Variants in BRD3 observed in about 807,000 individuals in gnomAD.
BRD3 encodes the protein bromodomain-containing protein 3.
Under a neutral mutation model 66.8 loss-of-function variants are expected in BRD3, and 17 were observed. That is an observed-to-expected ratio of 0.25 (90% CI 0.17 to 0.38). BRD3 has a LOEUF of 0.38. BRD3 is among the 10% of genes least tolerant of loss of function. The pLI is 1.00. For synonymous variants in BRD3, 421 were observed against 393.2 expected (o/e 1.07, Z -0.84); for missense variants, 713 against 956.1 (o/e 0.75, Z 3.35).
intron 2 of BRD3, 39 bp downstream of exon 2, chr9:134,053,226 C>T (rs201336646): frequency 3.1e-6 from 5 of 1,605,954 alleles, no homozygotes; most frequent in Non-Finnish European, 4.3e-6. Flanking sequence ...AGGACGGCAG[C>T]AGCAGAACGT....
At chr9:134,053,177 G>A (rs1224793241) in intron 2 of BRD3, 88 bp downstream of exon 2, 11 of 1,442,222 alleles carry the variant, frequency 7.6e-6, no homozygotes, top group Admixed American at 1.7e-5. Context: ...CAAGGCCAGA[G>A]GCAGTCTTTC....
chr9:134,035,257 G>A (rs917325551), intron 10 of BRD3, among the ~76,000 whole-genome samples: 3 of 152,174 alleles, frequency 2.0e-5, no homozygotes, highest in Admixed American at 6.5e-5. Context: ...CTCCTGAGTC[G>A]CTCCCTCCAA....
chr9:134,068,112 C>G (rs1278979740), upstream of BRD3: 1 of 142,912 alleles, frequency 7.0e-6, no homozygotes, highest in African/African-American at 2.5e-5. Flanking sequence ...CGCGCCGGGG[C>G]CGCCCAGGGG....
In BRD3 at chr9:134,040,059, C is replaced by T; in HGVS notation, c.1618G>A (p.Ala540Thr). 1.3e-6 allele frequency: 2 copies of T among 1,594,220 alleles called. No individual in the cohort carries two copies. Among genetic ancestry groups the T allele is most frequent in the South Asian group, 1.1e-5 (1 of 88,210 alleles). ...CTGCCGGCCGTGGTCGTGCTGTTGG[C>T]CTTCTTGGCAGGAGCCTTCTTCTGC... ...AQQKKAPAKK[A>T]NSTTTAGRQL... The change falls in exon 9 of 12, where the codon GCC (alanine) becomes ACC (threonine). Residue 540 changes from alanine to threonine, a missense_variant. Coordinates refer to ENST00000303407, the MANE Select transcript of BRD3 (RefSeq NM_007371.4).
At chr9:134,060,851 C>T (rs890166346) in intron 1 of BRD3, among the ~76,000 whole-genome samples, 2 of 152,202 alleles carry the variant, frequency 1.3e-5, no homozygotes, top group South Asian at 2.1e-4. Context: ...CTGTGGGTGG[C>T]CCCCTGAACC....
intron 10 of BRD3, among the ~76,000 whole-genome samples, chr9:134,035,542 A>C (rs1377890637): frequency 6.6e-6 from 1 of 152,098 alleles, no homozygotes; most frequent in Non-Finnish European, 1.5e-5. Context: ...CCGTCCTGTG[A>C]GGCTTCTGGA....
At chr9:134,063,307 C>G (rs974176800) in intron 1 of BRD3, among the ~76,000 whole-genome samples, 2 of 152,236 alleles carry the variant, frequency 1.3e-5, no homozygotes, top group African/African-American at 4.8e-5. Flanking sequence ...AGCCACCGTG[C>G]TTGACCCTTG....
intron 1 of BRD3, among the ~76,000 whole-genome samples, chr9:134,060,206 G>A (rs955617821): frequency 1.3e-5 from 2 of 152,214 alleles, no homozygotes; most frequent in Non-Finnish European, 2.9e-5. Flanking sequence ...AGACACAAGA[G>A]GATCCGAAAC....
intron 6 of BRD3, among the ~76,000 whole-genome samples, chr9:134,046,056 C>A (rs1291076340): frequency 6.6e-6 from 1 of 152,170 alleles, no homozygotes; most frequent in Admixed American, 6.5e-5. Flanking sequence ...GTTTACTCGG[C>A]CACACAGAGA....
chr9:134,052,188 C>T lies in BRD3; in HGVS notation c.351+118G>A. On this transcript the variant is annotated intron_variant, in intron 3 of 11. Transcript: ENST00000303407. The stretch of plus-strand genomic sequence containing the variant: ...GATTACAGGTGTGAGCCACGGCACC[C>T]AGCCAGGTGAAGCGCTTTGGGCCTG... The T allele has an allele frequency of 6.0e-6, 8 of 1,340,266 alleles. No individual in the cohort carries two copies. In the South Asian group the frequency reaches 1.2e-4, roughly 19 times the overall value. 83.0% of individuals were successfully genotyped at this position (1,340,266 alleles called of 1,614,324 possible).
At chr9:134,052,697 G>C (rs1199491821) in intron 2 of BRD3, among the ~76,000 whole-genome samples, 1 of 152,222 alleles carries the variant, frequency 6.6e-6, no homozygotes, top group African/African-American at 2.4e-5. Flanking sequence ...CCCCAGGACA[G>C]GTCTACATAC....
intron 2 of BRD3, among the ~76,000 whole-genome samples, chr9:134,052,852 G>A (rs143545342): frequency 6.9e-4 from 105 of 152,310 alleles, no homozygotes; most frequent in African/African-American, 2.4e-3. Flanking sequence ...TCAAAAATGA[G>A]CATGCAGATG....
chr9:134,034,589 C>G, intron 11 of BRD3, 112 bp downstream of exon 11: 1 of 1,419,944 alleles, frequency 7.0e-7, no homozygotes, highest in Non-Finnish European at 9.5e-7. Context: ...GAACATGGAG[C>G]TCATCAGGAG....
chr9:134,062,936 T>C (rs187160695), intron 1 of BRD3, among the ~76,000 whole-genome samples: 131 of 152,258 alleles, frequency 8.6e-4, no homozygotes, highest in African/African-American at 2.9e-3. Flanking sequence ...GGTCAGGCCC[T>C]GGTGCTCCGC....
intron 2 of BRD3, 30 bp downstream of exon 2, chr9:134,053,235 G>A (rs751200631): frequency 9.3e-6 from 15 of 1,610,532 alleles, no homozygotes; most frequent in African/African-American, 4.0e-5. Context: ...GCAGCAGAAC[G>A]TGGCTCTTGG....
At chr9:134,051,871 G>GTTTTT (rs1564555774) in intron 3 of BRD3, among the ~76,000 whole-genome samples, 162 bp from the exon 4 acceptor site, 30 of 110,540 alleles carry the variant, frequency 2.7e-4, no homozygotes, top group African/African-American at 1.2e-3. Flanking sequence ...GTGTGTGTGT[G>GTTTTT]TGTGTGTTGT....
chr9:134,058,894 C>G (rs906809754), intron 1 of BRD3: 6 of 152,296 alleles, frequency 3.9e-5, no homozygotes, highest in African/African-American at 1.4e-4. Flanking sequence ...GGCCTGGGCC[C>G]CACAGCTGGT....
rs1829908077 is a variant in BRD3, at chr9:134,036,207, C to G, written c.1761G>C (p.Leu587=). ...CTACCCGGCCCAGCTTCTCCCCGGG[C>G]AGCCGGTTGATGTCCAGGCTAAGCT... is the stretch of plus-strand genomic sequence containing the variant. ...KRQLSLDINR[L]PGEKLGRVVH... The change falls in exon 10 of 12, where the codon CTG becomes CTC. Residue 587 remains leucine, a synonymous_variant. Transcript: ENST00000303407. 3 of 1,614,240 alleles carry G rather than the reference C, an allele frequency of 1.9e-6. No individual in the cohort carries two copies. The highest frequency in any genetic ancestry group is 2.5e-6 in the Non-Finnish European group (3 of 1,180,038).
At chr9:134,049,660 G>A (rs1252238284) in intron 5 of BRD3, among the ~76,000 whole-genome samples, 4 of 152,246 alleles carry the variant, frequency 2.6e-5, no homozygotes, top group Admixed American at 1.3e-4. Flanking sequence ...GGGAAGCAAC[G>A]GAGGTGGCAT....
Sources: gnomAD v4.1 joint callset for allele counts (sites outside exome capture counted in the v4.1 genomes callset) on GRCh38, gnomAD v4.1.1 for gene constraint, MANE v1.5 for transcripts, NCBI Gene and HGNC (gene_info 2026-07-23, HGNC 2026-07-21) for gene names.